Variants in PHF24 observed in about 807,000 individuals in gnomAD.
PHF24 encodes Galpha inhibitory interacting protein.
PHF24 carries 25 observed loss-of-function variants against 42.6 expected under a neutral mutation model. That is an observed-to-expected ratio of 0.59 (90% CI 0.43 to 0.82). PHF24 has a LOEUF of 0.82. PHF24 is among the 40% of genes least tolerant of loss of function. The pLI, the probability that PHF24 is intolerant of heterozygous loss-of-function variation, is 0.00. For synonymous variants in PHF24, 185 were observed against 204.8 expected, an observed-to-expected ratio of 0.90 and a Z score of 0.83; for missense variants, 470 against 538.1, an observed-to-expected ratio of 0.87 and a Z score of 1.25.
the PHF24 span, among the ~76,000 whole-genome samples, chr9:34,951,326 C>T: frequency 3.0e-3 from 462 of 152,208 alleles, no homozygotes; most frequent in Non-Finnish European, 5.0e-3. Context: ...AGTACAAGGG[C>T]ACTATATGGC....
At chr9:34,721,016 G>A in the PHF24 span, among the ~76,000 whole-genome samples, 1 of 152,060 alleles carries the variant, frequency 6.6e-6, no homozygotes, top group Admixed American at 6.5e-5. Flanking sequence ...TCATCCCTCT[G>A]GGTCTTTGCC....
chr9:34,966,592 G>A (rs189469030), intron 1 of PHF24, among the ~76,000 whole-genome samples: 8 of 145,978 alleles, frequency 5.5e-5, no homozygotes, highest in Non-Finnish European at 1.1e-4. Flanking sequence ...CCCCCCCCTC[G>A]CCCCATCTCA....
chr9:34,727,914 G>T, the PHF24 span: 1 of 1,029,960 alleles, frequency 9.7e-7, no homozygotes, highest in Non-Finnish European at 1.4e-6. Context: ...CACTGTGTAT[G>T]TCTCCCTCCC....
At chr9:34,754,391 G>A in the PHF24 span, among the ~76,000 whole-genome samples, 1 of 152,038 alleles carries the variant, frequency 6.6e-6, no homozygotes, top group Non-Finnish European at 1.5e-5. Context: ...GTCAAAAGAA[G>A]ACATACCAAT....
At chr9:34,790,012 A>G in the PHF24 span, among the ~76,000 whole-genome samples, 1 of 152,154 alleles carries the variant, frequency 6.6e-6, no homozygotes, top group South Asian at 2.1e-4. Context: ...ATGCCTGGCT[A>G]ATTTTAATTT....
chr9:34,667,943 G>A, the PHF24 span, among the ~76,000 whole-genome samples: 1 of 152,124 alleles, frequency 6.6e-6, no homozygotes, highest in African/African-American at 2.4e-5. Context: ...GGTGAATGGA[G>A]ACCTGGATGA....
At chr9:34,926,910 G>A in the PHF24 span, among the ~76,000 whole-genome samples, 11 of 152,120 alleles carry the variant, frequency 7.2e-5, no homozygotes, top group Non-Finnish European at 1.5e-4. This position sits in a 1 kb window ranked among gnomAD's most constrained non-coding sequence, Gnocchi z 4.3. Context: ...GTTTGGGGTC[G>A]TGCCTACCGG....
chr9:34,748,507 C>G, the PHF24 span, among the ~76,000 whole-genome samples: 5 of 152,166 alleles, frequency 3.3e-5, no homozygotes, highest in African/African-American at 1.2e-4. Context: ...CACCACACCC[C>G]CAGCCTCAGA....
the PHF24 span, chr9:34,726,857 G>C: frequency 6.4e-7 from 1 of 1,551,808 alleles, no homozygotes; most frequent in South Asian, 1.2e-5. Flanking sequence ...CCCCGATAAA[G>C]TCAGGGAGAT....
intron 1 of PHF24, among the ~76,000 whole-genome samples, chr9:34,967,528 C>T (rs542174298): frequency 6.6e-6 from 1 of 152,300 alleles, no homozygotes; most frequent in Non-Finnish European, 1.5e-5. Context: ...ACCTAGTGGT[C>T]TGGAAAATGT....
At chr9:34,842,771 CTG>C in the PHF24 span, among the ~76,000 whole-genome samples, 7 of 152,272 alleles carry the variant, frequency 4.6e-5, no homozygotes, top group Middle Eastern at 3.4e-3. Context: ...ATGATTAAAA[CTG>C]TGTGTGTTTA....
the PHF24 span, chr9:34,832,753 G>A: frequency 0.019 from 29,069 of 1,549,552 alleles, 522 homozygotes; most frequent in African/African-American, 0.061. Context: ...TGCAAAGTTT[G>A]GCCCTGCAAA....
chr9:34,673,954 C>T, the PHF24 span, among the ~76,000 whole-genome samples: 2 of 152,116 alleles, frequency 1.3e-5, no homozygotes, highest in South Asian at 4.1e-4. Flanking sequence ...CAGAATTTCC[C>T]CATGTTGCCC....
the PHF24 span, among the ~76,000 whole-genome samples, chr9:34,901,400 C>T: frequency 6.6e-6 from 1 of 152,156 alleles, no homozygotes; most frequent in African/African-American, 2.4e-5. Context: ...AGAGGGCAAA[C>T]AAACATGATA....
chr9:34,681,791 A>G, the PHF24 span, among the ~76,000 whole-genome samples: 4 of 152,310 alleles, frequency 2.6e-5, no homozygotes, highest in Admixed American at 6.5e-5. Context: ...AGCCTGGGTG[A>G]CAGAGTGAGA....
chr9:34,723,372 C>G, the PHF24 span: 103 of 1,551,578 alleles, frequency 6.6e-5, no homozygotes, highest in Admixed American at 5.9e-5. Context: ...TGGGGACCAT[C>G]CAAGAAGGCT....
the PHF24 span, among the ~76,000 whole-genome samples, chr9:34,798,006 T>C: frequency 6.6e-6 from 1 of 152,000 alleles, no homozygotes; most frequent in Admixed American, 6.6e-5. Context: ...ACTATAATTA[T>C]AGAGAACGTA....
intron 4 of PHF24, 135 bp downstream of exon 4, chr9:34,976,365 T>TTGAGG (rs1827184899): frequency 1.0e-6 from 1 of 978,450 alleles, no homozygotes; most frequent in African/African-American, 1.6e-5. Flanking sequence ...CCTGAGTTGT[T>TTGAGG]GGCCAGCAGA....
At chr9:34,936,303 G>A in the PHF24 span, among the ~76,000 whole-genome samples, 1 of 152,194 alleles carries the variant, frequency 6.6e-6, no homozygotes, top group Non-Finnish European at 1.5e-5. Context: ...GCTCCTAACC[G>A]CGAGTGATCC....
Sources: allele counts gnomAD v4.1 joint callset (sites outside exome capture counted in the v4.1 genomes callset), GRCh38; gene constraint gnomAD v4.1.1; non-coding constraint Gnocchi (gnomAD v3.1); transcripts MANE v1.5; gene names NCBI Gene and HGNC (gene_info 2026-07-23, HGNC 2026-07-21).